Variants in GDNF observed in about 807,000 individuals in gnomAD.
The protein encoded by GDNF is glial cell derived neurotrophic factor, also known as glial cell line-derived neurotrophic factor.
A neutral mutation model predicts 13.7 loss-of-function variants in GDNF; 5 were observed. That is an observed-to-expected ratio of 0.36 (90% CI 0.19 to 0.77). The LOEUF is 0.77. GDNF is among the 30% of genes least tolerant of loss of function. The pLI, the probability that GDNF is intolerant of heterozygous loss-of-function variation, is 0.51. For synonymous variants in GDNF, 122 were observed against 112.5 expected, an observed-to-expected ratio of 1.08 and a Z score of -0.53; for missense variants, 246 against 274.3, an observed-to-expected ratio of 0.90 and a Z score of 0.73.
intron 2 of GDNF, among the ~76,000 whole-genome samples, chr5:37,832,740 C>G (rs1750566268): frequency 6.6e-6 from 1 of 152,162 alleles, no homozygotes; most frequent in Non-Finnish European, 1.5e-5. Flanking sequence ...TGTTATCAAG[C>G]CATGGTGATT....
intron 1 of GDNF, among the ~76,000 whole-genome samples, chr5:37,836,285 AC>A (rs1316384705): frequency 2.0e-5 from 3 of 151,478 alleles, no homozygotes; most frequent in African/African-American, 7.3e-5. Context: ...GTTCACAGGC[AC>A]CCCCGCCTCC....
chr5:37,823,911 G>C (rs1158298898), intron 2 of GDNF: 1 of 239,102 alleles, frequency 4.2e-6, no homozygotes, highest in Non-Finnish European at 6.8e-6. Context: ...TCTGGCTGAC[G>C]CCCCAGCAGC....
intron 2 of GDNF, among the ~76,000 whole-genome samples, chr5:37,827,090 G>C (rs1388625354): frequency 6.6e-6 from 1 of 151,896 alleles, no homozygotes; most frequent in Non-Finnish European, 1.5e-5. Context: ...GCTAGCAAAA[G>C]AGCCCAGAGT....
At chr5:37,824,767 G>C (rs888596535) in intron 2 of GDNF, among the ~76,000 whole-genome samples, 12 of 152,118 alleles carry the variant, frequency 7.9e-5, no homozygotes, top group Non-Finnish European at 1.5e-4. Flanking sequence ...GCTGCTGTTG[G>C]GTTAACTTTC....
intron 1 of GDNF, among the ~76,000 whole-genome samples, chr5:37,836,193 A>T (rs1016089183): frequency 6.9e-6 from 1 of 145,528 alleles, no homozygotes; most frequent in African/African-American, 2.7e-5. Context: ...CTTAGGAAAA[A>T]CTCGATTTTT....
intron 2 of GDNF, among the ~76,000 whole-genome samples, chr5:37,819,436 G>A (rs1750042926): frequency 6.8e-6 from 1 of 147,080 alleles, no homozygotes; most frequent in Admixed American, 6.9e-5. Flanking sequence ...CCAGGGAAGT[G>A]CTCTTTTCTT....
chr5:37,831,381 C>G (rs948152106), intron 2 of GDNF, among the ~76,000 whole-genome samples: 3 of 152,222 alleles, frequency 2.0e-5, no homozygotes, highest in African/African-American at 7.2e-5. Context: ...ATACATGTAA[C>G]TATTTGGTGA....
chr5:37,831,572 G>C (rs1750525328), intron 2 of GDNF, among the ~76,000 whole-genome samples: 1 of 152,122 alleles, frequency 6.6e-6, no homozygotes, highest in Non-Finnish European at 1.5e-5. Flanking sequence ...CCCATATAAA[G>C]TATCCTCCCC....
At chr5:37,834,365 T>C (rs113948098) in intron 2 of GDNF, among the ~76,000 whole-genome samples, 3 of 152,226 alleles carry the variant, frequency 2.0e-5, no homozygotes, top group Admixed American at 6.5e-5. Context: ...GTGGTGGTGC[T>C]GGTGGGGAGG....
chr5:37,833,418 T>C (rs1426481239), intron 2 of GDNF, among the ~76,000 whole-genome samples: 1 of 152,258 alleles, frequency 6.6e-6, no homozygotes, highest in Non-Finnish European at 1.5e-5. Flanking sequence ...TTAACCATGT[T>C]CCCTAACTTC....
At chr5:37,825,044 G>T (rs1216766297) in intron 2 of GDNF, among the ~76,000 whole-genome samples, 4 of 152,210 alleles carry the variant, frequency 2.6e-5, no homozygotes, top group Admixed American at 6.5e-5. Flanking sequence ...TATAGAAAAA[G>T]AAGCTATGGG....
chr5:37,833,777 G>A (rs1750604445), intron 2 of GDNF, among the ~76,000 whole-genome samples: 1 of 152,116 alleles, frequency 6.6e-6, no homozygotes, highest in Admixed American at 6.5e-5. Context: ...TGCTATCTTT[G>A]TTGACATTAT....
intron 2 of GDNF, among the ~76,000 whole-genome samples, chr5:37,833,784 T>C (rs1011970300): frequency 1.3e-5 from 2 of 152,230 alleles, no homozygotes; most frequent in Admixed American, 6.5e-5. Flanking sequence ...TTTGTTGACA[T>C]TATGCCTCTG....
At chr5:37,821,668 C>T (rs534173334) in intron 2 of GDNF, among the ~76,000 whole-genome samples, 2 of 152,048 alleles carry the variant, frequency 1.3e-5, no homozygotes, top group East Asian at 1.9e-4. Flanking sequence ...GAAATGAAAC[C>T]TTGTACCGGG....
intron 2 of GDNF, chr5:37,824,612 A>G (rs954651365): frequency 6.6e-6 from 1 of 152,224 alleles, no homozygotes; most frequent in African/African-American, 2.4e-5. Context: ...TGACTTTGAC[A>G]CTTATTTGAA....
chr5:37,836,740 G>A (rs925876346), intron 1 of GDNF, among the ~76,000 whole-genome samples: 1 of 152,262 alleles, frequency 6.6e-6, no homozygotes, highest in Admixed American at 6.5e-5. Context: ...GAGGCGCGGG[G>A]TTAATGCGCC....
At position 37,834,910 on chromosome 5, in the gene GDNF, C is replaced by T. The variant is rs995318358; in HGVS notation, c.-26-88G>A. 7 of 1,203,524 alleles carry T rather than the reference C, an allele frequency of 5.8e-6. No homozygotes were observed. The South Asian group carries it at 8.2e-5, about 14-fold the overall frequency. 74.6% of individuals were successfully genotyped at this position (1,203,524 alleles called of 1,614,324 possible). ...TGCGGGTCCCTGCGCCCCTCTCCAA[C>T]CTCGTCACCGCCCTCCTCCGGCACC... On this transcript the variant is annotated intron_variant, in intron 1 of 2. Coordinates refer to ENST00000326524, the MANE Select transcript of GDNF (RefSeq NM_000514.4).
Position 37,834,636 on chromosome 5 carries a change from C to T in GDNF, c.151+10G>A. The T allele has an allele frequency of 1.3e-6, 2 of 1,532,976 alleles. No individual in the cohort carries two copies. Among genetic ancestry groups the T allele is most frequent in the Non-Finnish European group, 1.7e-6 (2 of 1,144,098 alleles). The allele number at this position is 1,532,976 out of a possible 1,614,324, so 95.0% of individuals were successfully genotyped here. On this transcript the variant is annotated intron_variant, in intron 2 of 2. Transcript: ENST00000326524. Reference sequence around the variant, plus strand: ...CGGCGGCCCCCCCGCGGGGAGGGAACGGTTCTTACAGTCACTGCTCAGCGC... The same window carrying T: ...CGGCGGCCCCCCCGCGGGGAGGGAATGGTTCTTACAGTCACTGCTCAGCGC...
intron 2 of GDNF, among the ~76,000 whole-genome samples, chr5:37,827,310 C>T (rs115379802): frequency 0.011 from 1,691 of 152,014 alleles, 13 homozygotes; most frequent in Non-Finnish European, 0.015. Context: ...TGTTAAATTT[C>T]CTGAGACTGA....
Sources: allele counts gnomAD v4.1 joint callset (sites outside exome capture counted in the v4.1 genomes callset), GRCh38; gene constraint gnomAD v4.1.1; transcripts MANE v1.5; gene names NCBI Gene and HGNC (gene_info 2026-07-23, HGNC 2026-07-21).